KMT2A: variants seen among roughly 807,000 people sequenced by gnomAD.
The protein encoded by KMT2A is lysine methyltransferase 2A.
KMT2A carries 16 observed loss-of-function variants against 345.3 expected under a neutral mutation model. The observed-to-expected ratio is 0.05, with a 90% CI of 0.03 to 0.07. The LOEUF is 0.07. Among genes scored for constraint, KMT2A ranks in the 10% least tolerant of loss-of-function variants. The pLI, the probability that KMT2A is intolerant of heterozygous loss-of-function variation, is 1.00. For missense variants in KMT2A, 3,272 were observed against 4,841.6 expected (o/e 0.68, Z 9.62); for synonymous variants, 1,599 against 1,778.6 (o/e 0.90, Z 2.54).
At chr11:118,441,171 AT>A (rs1196443249) in intron 1 of KMT2A, among the ~76,000 whole-genome samples, 1 of 151,432 alleles carries the variant, frequency 6.6e-6, no homozygotes, top group Non-Finnish European at 1.5e-5. Flanking sequence ...CGATTTGATA[AT>A]TTTTGTTTTT....
At chr11:118,482,119 G>A in intron 7 of KMT2A, 27 bp downstream of exon 7, 1 of 1,570,826 alleles carries the variant, frequency 6.4e-7, no homozygotes, top group Non-Finnish European at 8.6e-7. Flanking sequence ...AGAAGGAATT[G>A]CTGAACCACA....
intron 1 of KMT2A, among the ~76,000 whole-genome samples, chr11:118,468,443 T>C (rs1555034646): frequency 6.6e-6 from 1 of 152,222 alleles, no homozygotes; most frequent in Non-Finnish European, 1.5e-5. Flanking sequence ...ATTATACTTA[T>C]TTGCTTACCT....
intron 2 of KMT2A, among the ~76,000 whole-genome samples, chr11:118,469,474 T>A (rs1176101396): frequency 1.3e-5 from 2 of 152,198 alleles, no homozygotes; most frequent in African/African-American, 4.8e-5. Context: ...AATAAAAAAA[T>A]GGAAAATTAG....
chr11:118,521,472 C>G lies in KMT2A; in HGVS notation c.11643+55C>G. 6.3e-7 allele frequency: 1 copy of G among 1,590,406 alleles called. No individual in the cohort carries two copies. Among genetic ancestry groups the G allele is most frequent in the South Asian group, 1.1e-5 (1 of 89,630 alleles). On this transcript the variant is annotated intron_variant, in intron 35 of 35. Transcript: ENST00000534358. The surrounding 1 kb of genome is among the most constrained non-coding windows in gnomAD (Gnocchi z 5.3). ...CTTTTGTTTTGCTGTAGAAAGGGACCAGTATGACCCCTGGATCACAAAAGA... is the reference window on the plus strand; with the variant it reads ...CTTTTGTTTTGCTGTAGAAAGGGACGAGTATGACCCCTGGATCACAAAAGA...
In KMT2A at chr11:118,494,630, G is replaced by T; in HGVS notation, c.5290-64G>T. ...GTATTAACAGAGAAGCTGGTTTGAA[G>T]ATTTTTCATGTGGTATCTAAATGAG... On this transcript the variant is annotated intron_variant, in intron 17 of 35. Transcript: ENST00000534358. This position sits in a 1 kb window ranked among gnomAD's most constrained non-coding sequence, Gnocchi z 5.8. 1.4e-6 allele frequency: 2 copies of T among 1,424,978 alleles called. No homozygotes were observed. The highest frequency in any genetic ancestry group is 1.8e-5 in the Admixed American group (1 of 54,980). The allele number at this position is 1,424,978 out of a possible 1,614,324, so 88.3% of individuals were successfully genotyped here.
intron 5 of KMT2A, among the ~76,000 whole-genome samples, chr11:118,478,965 A>G (rs1343846351): frequency 2.6e-5 from 4 of 152,146 alleles, no homozygotes; most frequent in Non-Finnish European, 4.4e-5. Context: ...TTTAATTTTT[A>G]TGGGTACATA....
At chr11:118,501,426 G>A (rs1950498537) in intron 25 of KMT2A, among the ~76,000 whole-genome samples, 1 of 151,480 alleles carries the variant, frequency 6.6e-6, no homozygotes, top group Non-Finnish European at 1.5e-5. Flanking sequence ...CCAAGATCAC[G>A]CCACTGCCCT....
At chr11:118,453,274 C>G (rs1340191276) in intron 1 of KMT2A, among the ~76,000 whole-genome samples, 1 of 152,104 alleles carries the variant, frequency 6.6e-6, no homozygotes, top group Non-Finnish European at 1.5e-5. Context: ...CCCCATGATG[C>G]CTCTGAAATA....
chr11:118,496,387 G>C lies in KMT2A; in HGVS notation c.5664+20G>C, dbSNP rs1950409444. Reference sequence around the variant, plus strand: ...GCTAATGTAAGTACTTTGCAACACAGGGCCCTAGTTAATACATACTCCAAA... The same window carrying C: ...GCTAATGTAAGTACTTTGCAACACACGGCCCTAGTTAATACATACTCCAAA... On this transcript the variant is annotated intron_variant, in intron 20 of 35. Transcript: ENST00000534358. The surrounding 1 kb of genome is among the most constrained non-coding windows in gnomAD (Gnocchi z 4.7). The C allele has an allele frequency of 1.3e-6, 2 of 1,540,460 alleles. No individual in the cohort carries two copies. Among genetic ancestry groups the C allele is most frequent in the East Asian group, 4.5e-5 (2 of 44,514 alleles).
At chr11:118,450,201 T>C (rs1949506466) in intron 1 of KMT2A, 1 of 151,764 alleles carries the variant, frequency 6.6e-6, no homozygotes, top group Admixed American at 6.5e-5. Context: ...AATACACCTT[T>C]CTTGAGTTTT....
chr11:118,471,559 GA>G, intron 2 of KMT2A, 102 bp from the exon 3 acceptor site: 1 of 653,902 alleles, frequency 1.5e-6, no homozygotes, highest in Non-Finnish European at 2.4e-6. Flanking sequence ...GACTCAAGTT[GA>G]ACTCAGTACA....
intron 29 of KMT2A, among the ~76,000 whole-genome samples, chr11:118,509,574 A>G (rs1401867486): frequency 6.6e-6 from 1 of 152,240 alleles, no homozygotes; most frequent in African/African-American, 2.4e-5. Flanking sequence ...AATACCAGAT[A>G]CATCTCCATG....
chr11:118,522,400 G>T lies in KMT2A; in HGVS notation c.*228G>T, dbSNP rs1404693345. ...AGATCCATGATCGGCTTTCTCCTGG[G>T]GCCCCTCCAATTGTTTACTGTTAGA... On this transcript the variant is annotated 3_prime_UTR_variant, in exon 36 of 36. Transcript: ENST00000534358. This position sits in a 1 kb window ranked among gnomAD's most constrained non-coding sequence, Gnocchi z 5.4. 1.9e-6 allele frequency: 1 copy of T among 519,530 alleles called. No homozygotes were observed. Among genetic ancestry groups the T allele is most frequent in the African/African-American group, 1.9e-5 (1 of 52,940 alleles). 32.2% of individuals were successfully genotyped at this position (519,530 alleles called of 1,614,324 possible).
At chr11:118,500,419 G>A (rs146608546) in intron 24 of KMT2A, among the ~76,000 whole-genome samples, 8 of 152,268 alleles carry the variant, frequency 5.3e-5, no homozygotes, top group African/African-American at 7.2e-5. Flanking sequence ...CCACTCCCGC[G>A]TTGGAGTCTC....
intron 1 of KMT2A, chr11:118,438,909 C>T: frequency 2.5e-6 from 1 of 397,232 alleles, no homozygotes; most frequent in South Asian, 1.8e-5. Context: ...TCTATCTCCA[C>T]CTCCTTTTCC....
In KMT2A at chr11:118,522,190, A is replaced by C; in HGVS notation, c.*18A>C. On this transcript the variant is annotated 3_prime_UTR_variant, in exon 36 of 36. Coordinates refer to ENST00000534358, the MANE Select transcript of KMT2A (RefSeq NM_001197104.2). This position sits in a 1 kb window ranked among gnomAD's most constrained non-coding sequence, Gnocchi z 5.4. ...TAAACTAAAGCTGCTCTTCTCCCCCAGTGTTGGAGTGCAAGGAGGCGGGGC... is the reference window on the plus strand; with the variant it reads ...TAAACTAAAGCTGCTCTTCTCCCCCCGTGTTGGAGTGCAAGGAGGCGGGGC... 6.2e-7 allele frequency: 1 copy of C among 1,611,086 alleles called. No individual in the cohort carries two copies. The highest frequency in any genetic ancestry group is 8.5e-7 in the Non-Finnish European group (1 of 1,177,566).
At chr11:118,463,298 A>T (rs782533855) in intron 1 of KMT2A, among the ~76,000 whole-genome samples, 2 of 152,130 alleles carry the variant, frequency 1.3e-5, no homozygotes, top group Non-Finnish European at 2.9e-5. Flanking sequence ...TACCTGTTGA[A>T]TACTTTACCT....
chr11:118,505,071 C>T lies in KMT2A; in HGVS notation c.9179C>T (p.Ser3060Phe), dbSNP rs1418049181. 6.2e-7 allele frequency: 1 copy of T among 1,614,050 alleles called. No individual in the cohort carries two copies. The highest frequency in any genetic ancestry group is 8.5e-7 in the Non-Finnish European group (1 of 1,180,046). Residue 3060 changes from serine to phenylalanine, a missense_variant, in exon 27 of 36, where the codon TCT becomes TTT. Coordinates refer to ENST00000534358, the MANE Select transcript of KMT2A (RefSeq NM_001197104.2). This position sits in a 1 kb window ranked among gnomAD's most constrained non-coding sequence, Gnocchi z 4.6. ...AATTCTACTGATAGTCCTGGCCCGT[C>T]TCAGATTTCCAATGCAGCTGTCCAG... ...VPNSTDSPGP[S>F]QISNAAVQTT...
intron 1 of KMT2A, chr11:118,447,591 C>T (rs1555027512): frequency 2.3e-6 from 1 of 440,314 alleles, no homozygotes; most frequent in East Asian, 7.1e-5. Context: ...TAGCACTGAT[C>T]ATCCCCTTAC....
Sources: allele counts gnomAD v4.1 joint callset (sites outside exome capture counted in the v4.1 genomes callset), GRCh38; gene constraint gnomAD v4.1.1; non-coding constraint Gnocchi (gnomAD v3.1); transcripts MANE v1.5; gene names NCBI Gene and HGNC (gene_info 2026-07-23, HGNC 2026-07-21).